Variants in NINL observed in about 807,000 individuals in gnomAD.
The protein encoded by NINL is ninein like.
A neutral mutation model predicts 160.3 loss-of-function variants in NINL; 153 were observed. The observed-to-expected ratio is 0.95, with a 90% CI of 0.84 to 1.09. The LOEUF is 1.09. Ranked by LOEUF, NINL falls within the 50% of genes least tolerant of loss-of-function variation. The probability of loss-of-function intolerance (pLI) is 0.00; values close to 1 mark genes in which losing one functional copy is unlikely to be tolerated. For synonymous variants in NINL, 800 were observed against 734.8 expected, an observed-to-expected ratio of 1.09 and a Z score of -1.43; for missense variants, 1,829 against 1,764.0, an observed-to-expected ratio of 1.04 and a Z score of -0.66.
intron 1 of NINL, chr20:25,539,943 CG>C (rs1568954023): frequency 1.3e-5 from 13 of 966,072 alleles, no homozygotes; most frequent in Non-Finnish European, 1.6e-5. Flanking sequence ...TGCGGGTTCC[CG>C]GGGGCTCCCA....
rs1370955859 is a variant in NINL at position 25,489,320 on chromosome 20, T to C, written c.1601A>G (p.Glu534Gly). 6.2e-7 allele frequency: 1 copy of C among 1,613,726 alleles called. No individual in the cohort carries two copies. The highest frequency in any genetic ancestry group is 1.3e-5 in the African/African-American group (1 of 75,030). Reference sequence around the variant, plus strand: ...GGCCAGGAGCTCTGCACTCTGTGGCTCCAGCTGAAAGGCAGACACAAAGGA... The same window carrying C: ...GGCCAGGAGCTCTGCACTCTGTGGCCCCAGCTGAAAGGCAGACACAAAGGA... The part of the protein sequence containing the change: ...DLEFVLKDKL[E>G]PQSAELLAQE... Residue 534 changes from glutamate to glycine, a missense_variant, in exon 13 of 24, where the codon GAG becomes GGG. Coordinates refer to ENST00000278886, the MANE Select transcript of NINL (RefSeq NM_025176.6).
intron 1 of NINL, among the ~76,000 whole-genome samples, chr20:25,537,612 A>G (rs1413195733): frequency 6.6e-6 from 1 of 152,154 alleles, no homozygotes; most frequent in East Asian, 1.9e-4. Context: ...AGCGCCCCAC[A>G]TGCACAGCAG....
At chr20:25,580,114 C>G (rs1000124468) in intron 1 of NINL, among the ~76,000 whole-genome samples, 1 of 152,096 alleles carries the variant, frequency 6.6e-6, no homozygotes, top group Non-Finnish European at 1.5e-5. Flanking sequence ...GGGTGGATCA[C>G]CTGAGGTCAG....
rs1048310404 is a variant in NINL at position 25,581,507 on chromosome 20, C to T, written c.-12+3948G>A. Among the ~76,000 whole-genome samples the T allele has an allele frequency of 7.9e-5, 12 of 152,038 alleles. 1 individual carries two copies. The South Asian group carries it at 1.7e-3, about 21-fold the overall frequency. On this transcript the variant is annotated intron_variant, in intron 1 of 23. Coordinates refer to ENST00000278886, the MANE Select transcript of NINL (RefSeq NM_025176.6). ...TAGAAAGAATGTGCTCACAGAGCCC[C>T]GCTCACATGCTCTAAGTCTCAAATG...
chr20:25,476,378 C>T lies in NINL; in HGVS notation c.2913G>A (p.Gln971=), dbSNP rs770452178. 5.6e-6 allele frequency: 9 copies of T among 1,610,996 alleles called. No homozygotes were observed. Among genetic ancestry groups the T allele is most frequent in the Non-Finnish European group, 7.6e-6 (9 of 1,179,626 alleles). The change falls in exon 17 of 24, where the codon CAG becomes CAA. Residue 971 remains glutamine, a synonymous_variant. Transcript: ENST00000278886. The part of the protein sequence containing the change: ...PLRPAASCRG[Q]AERLQAIQEE... ...CCTGAATGGCCTGTAGCCTCTCAGC[C>T]TGTCCCCTGCACGAAGCGGCCGGCC...
chr20:25,518,427 C>T (rs958044287), intron 2 of NINL, among the ~76,000 whole-genome samples: 1 of 152,194 alleles, frequency 6.6e-6, no homozygotes, highest in Non-Finnish European at 1.5e-5. Context: ...TAACAAAATG[C>T]TCACACTCTT....
chr20:25,568,976 T>G (rs969623348), intron 1 of NINL, among the ~76,000 whole-genome samples: 8 of 151,280 alleles, frequency 5.3e-5, no homozygotes, highest in Non-Finnish European at 1.0e-4. Context: ...ACACCTGTAA[T>G]CCCAGCACTT....
chr20:25,548,999 C>G (rs2064774526), intron 1 of NINL, among the ~76,000 whole-genome samples: 1 of 143,692 alleles, frequency 7.0e-6, no homozygotes, highest in African/African-American at 2.7e-5. Context: ...CCCAGCCTCA[C>G]CCAGGGCTGA....
At chr20:25,468,588 G>C (rs1278131596) in intron 18 of NINL, among the ~76,000 whole-genome samples, 1 of 103,318 alleles carries the variant, frequency 9.7e-6, no homozygotes, top group Admixed American at 1.2e-4. Flanking sequence ...CCTGTCACTG[G>C]TCTGTGCCCC....
intron 16 of NINL, among the ~76,000 whole-genome samples, chr20:25,478,216 C>T (rs1447460436): frequency 6.6e-6 from 1 of 152,124 alleles, no homozygotes; most frequent in Non-Finnish European, 1.5e-5. Flanking sequence ...TCCCAAAGTG[C>T]TGATTACAGG....
intron 3 of NINL, among the ~76,000 whole-genome samples, chr20:25,514,860 G>A (rs915587098): frequency 6.6e-6 from 1 of 152,254 alleles, no homozygotes; most frequent in Admixed American, 6.5e-5. Context: ...CCTGCAGGTG[G>A]ACGGAGGGCA....
intron 1 of NINL, among the ~76,000 whole-genome samples, chr20:25,546,218 T>C (rs1054329239): frequency 1.3e-5 from 2 of 152,204 alleles, no homozygotes; most frequent in Non-Finnish European, 2.9e-5. Flanking sequence ...GTTTGGGTTT[T>C]CCATTAACAC....
At chr20:25,505,236 G>A (rs960175389) in intron 5 of NINL, among the ~76,000 whole-genome samples, 158 bp from the exon 6 acceptor site, 3 of 151,582 alleles carry the variant, frequency 2.0e-5, no homozygotes, top group African/African-American at 4.8e-5. Context: ...GACAAACACC[G>A]TGAGATCTCA....
At chr20:25,525,663 C>T (rs868681156) in intron 2 of NINL, among the ~76,000 whole-genome samples, 6 of 152,008 alleles carry the variant, frequency 3.9e-5, no homozygotes, top group Admixed American at 3.3e-4. Context: ...AAAAAACAAA[C>T]GAAAAGAAAA....
Position 25,503,515 on chromosome 20 carries a change from T to A in NINL, c.861+437A>T, listed in dbSNP as rs574352795. ...AGGAGGTGGGCACCTGAGCAGCACGTTCCTCACCTGAGCACTGCCTTCTGT... is the reference window on the plus strand; with the variant it reads ...AGGAGGTGGGCACCTGAGCAGCACGATCCTCACCTGAGCACTGCCTTCTGT... On this transcript the variant is annotated intron_variant, in intron 7 of 23. Coordinates refer to ENST00000278886, the MANE Select transcript of NINL (RefSeq NM_025176.6). Among the ~76,000 whole-genome samples, 11 of 150,200 alleles carry A rather than the reference T, an allele frequency of 7.3e-5. No homozygotes were observed. The South Asian group carries it at 2.4e-3, about 32-fold the overall frequency.
chr20:25,491,315 C>T (rs748516361), intron 11 of NINL, 36 bp downstream of exon 11: 1 of 1,576,688 alleles, frequency 6.3e-7, no homozygotes, highest in Non-Finnish European at 8.6e-7. Context: ...CTCAGGCACC[C>T]CCCCAGCTTC....
rs763417743 is a variant in NINL at position 25,476,985 on chromosome 20, A to C, written c.2306T>G (p.Leu769Arg). 6.2e-7 allele frequency: 1 copy of C among 1,605,110 alleles called. No individual in the cohort carries two copies. Among genetic ancestry groups the C allele is most frequent in the Non-Finnish European group, 8.5e-7 (1 of 1,179,788 alleles). The change falls in exon 17 of 24, where the codon CTG becomes CGG. Residue 769 changes from leucine to arginine, a missense_variant. Transcript: ENST00000278886. ...CTCCGACCTCTGGCTCCCGCGTGGC[A>C]GGGGTCCCTGCGGCGGCTCCTCCAG... Reference protein sequence around the residue: ...LELEEPPQGPLPRGSQRSEQL... With the variant: ...LELEEPPQGPRPRGSQRSEQL...
At chr20:25,522,994 T>C (rs987304510) in intron 2 of NINL, among the ~76,000 whole-genome samples, 2 of 152,316 alleles carry the variant, frequency 1.3e-5, no homozygotes, top group African/African-American at 2.4e-5. Flanking sequence ...CCTTGGCAGA[T>C]ACCAAACTCC....
intron 1 of NINL, among the ~76,000 whole-genome samples, chr20:25,563,144 C>T (rs377192053): frequency 2.6e-5 from 4 of 152,104 alleles, no homozygotes; most frequent in South Asian, 2.1e-4. Context: ...CCAGCCTGGG[C>T]GACAGAGCAA....
Sources: allele counts gnomAD v4.1 joint callset (sites outside exome capture counted in the v4.1 genomes callset), GRCh38; gene constraint gnomAD v4.1.1; transcripts MANE v1.5; gene names NCBI Gene and HGNC (gene_info 2026-07-23, HGNC 2026-07-21).